The following FA2H variants were observed in gnomAD, a reference collection of about 807,000 sequenced individuals.
The protein encoded by FA2H is fatty acid 2-hydroxylase, also known as fatty acid alpha-hydroxylase.
A neutral mutation model predicts 44.9 loss-of-function variants in FA2H; 22 were observed. The observed-to-expected ratio is 0.49, with a 90% CI of 0.35 to 0.70. FA2H has a LOEUF of 0.70. Ranked by LOEUF, FA2H falls within the 30% of genes least tolerant of loss-of-function variation. The probability of loss-of-function intolerance (pLI) is 0.01; values close to 1 mark genes in which losing one functional copy is unlikely to be tolerated. For synonymous variants in FA2H, 243 were observed against 213.2 expected (o/e 1.14, Z -1.22); for missense variants, 501 against 504.9 (o/e 0.99, Z 0.07).
intron 2 of FA2H, among the ~76,000 whole-genome samples, chr16:74,727,929 T>A (rs972955836): frequency 2.0e-5 from 3 of 152,210 alleles, no homozygotes; most frequent in Admixed American, 2.0e-4. Context: ...TTCAGCAATT[T>A]ATTTTTTATA....
At chr16:74,768,582 G>A (rs909676465) in intron 1 of FA2H, among the ~76,000 whole-genome samples, 1 of 152,212 alleles carries the variant, frequency 6.6e-6, no homozygotes, top group African/African-American at 2.4e-5. Context: ...CTGCTCAGAA[G>A]GTGGCGGCAG....
At chr16:74,756,850 C>G (rs1962620716) in intron 1 of FA2H, among the ~76,000 whole-genome samples, 2 of 150,506 alleles carry the variant, frequency 1.3e-5, no homozygotes, top group South Asian at 4.3e-4. Flanking sequence ...ACACCCCATC[C>G]CTCCAAAAAA....
chr16:74,722,688 G>A (rs758617760), intron 4 of FA2H, among the ~76,000 whole-genome samples: 31 of 152,212 alleles, frequency 2.0e-4, no homozygotes, highest in Non-Finnish European at 2.2e-4. Context: ...TGAGGTGGGC[G>A]GATCAGCTGA....
chr16:74,736,785 C>A (rs1962190704), intron 2 of FA2H, among the ~76,000 whole-genome samples: 1 of 152,134 alleles, frequency 6.6e-6, no homozygotes, highest in Admixed American at 6.6e-5. Flanking sequence ...CACTCCCTCT[C>A]CTACTCACCG....
At chr16:74,773,113 C>T (rs1166826098) in intron 1 of FA2H, among the ~76,000 whole-genome samples, 2 of 152,076 alleles carry the variant, frequency 1.3e-5, no homozygotes, top group Non-Finnish European at 2.9e-5. Context: ...TGGGCTCGAG[C>T]GATCCTCTTA....
chr16:74,749,229 A>T (rs1962485765), intron 1 of FA2H, among the ~76,000 whole-genome samples: 2 of 152,184 alleles, frequency 1.3e-5, no homozygotes, highest in Non-Finnish European at 2.9e-5. Context: ...TCCATCTTTA[A>T]TAAGCTGCCC....
chr16:74,714,363 A>T lies in FA2H; in HGVS notation c.1040-94T>A, dbSNP rs951852526. On this transcript the variant is annotated intron_variant, in intron 6 of 6. Coordinates refer to ENST00000219368, the MANE Select transcript of FA2H (RefSeq NM_024306.5). The stretch of plus-strand genomic sequence containing the variant: ...GTGCCAGGGTAGGGATAAGAGGTGG[A>T]GACAATGTCAATATCTGTCCCCTTG... The T allele has an allele frequency of 3.2e-5, 26 of 806,548 alleles. No individual in the cohort carries two copies. The African/African-American group carries it at 4.1e-4, about 13-fold the overall frequency. The allele number at this position is 806,548 out of a possible 1,614,324, so 50.0% of individuals were successfully genotyped here.
At chr16:74,716,706 C>G (rs1245760114) in intron 5 of FA2H, 107 bp from the exon 6 acceptor site, 1 of 1,315,340 alleles carries the variant, frequency 7.6e-7, no homozygotes, top group Non-Finnish European at 1.0e-6. Context: ...CCCAGACATT[C>G]CACTGCGTAG....
intron 1 of FA2H, among the ~76,000 whole-genome samples, chr16:74,764,113 G>A (rs1217324214): frequency 1.3e-5 from 2 of 152,148 alleles, no homozygotes; most frequent in South Asian, 4.2e-4. Flanking sequence ...TGTTGTTGTG[G>A]CTGAGCTCTT....
intron 1 of FA2H, among the ~76,000 whole-genome samples, chr16:74,767,303 T>TA (rs376420647): frequency 1.3e-3 from 186 of 145,690 alleles, no homozygotes; most frequent in African/African-American, 2.8e-3. Flanking sequence ...GGGAGACTCA[T>TA]AAAAAAAAAA....
chr16:74,727,007 T>A (rs925396946), intron 3 of FA2H, among the ~76,000 whole-genome samples: 2 of 152,192 alleles, frequency 1.3e-5, no homozygotes, highest in Non-Finnish European at 2.9e-5. Flanking sequence ...GAGTCTGGAA[T>A]AGACCAGAGG....
intron 2 of FA2H, among the ~76,000 whole-genome samples, chr16:74,732,757 C>T (rs186285173): frequency 5.3e-5 from 8 of 152,224 alleles, no homozygotes; most frequent in East Asian, 1.9e-4. Flanking sequence ...AGGATTCATA[C>T]GTTGAATTCA....
chr16:74,763,016 C>T (rs1457574197), intron 1 of FA2H, among the ~76,000 whole-genome samples: 1 of 152,164 alleles, frequency 6.6e-6, no homozygotes, highest in Non-Finnish European at 1.5e-5. Flanking sequence ...CTGTCCTTTT[C>T]CCTGTTTGGG....
intron 2 of FA2H, among the ~76,000 whole-genome samples, chr16:74,737,857 G>A (rs986811949): frequency 4.3e-4 from 65 of 152,190 alleles, no homozygotes; most frequent in African/African-American, 1.4e-3. Context: ...CCCAGCCCCC[G>A]CTGCCTGGGT....
At chr16:74,716,321 G>A in intron 6 of FA2H, 26 bp downstream of exon 6, 5 of 1,611,788 alleles carry the variant, frequency 3.1e-6, no homozygotes, top group Non-Finnish European at 4.2e-6. Flanking sequence ...CACATAGGGG[G>A]CTGGGAAGCA....
intron 1 of FA2H, among the ~76,000 whole-genome samples, chr16:74,750,790 T>TGTGTGTGTGTGTGTGTGTGTGC (rs1555540831): frequency 7.9e-5 from 12 of 151,370 alleles, no homozygotes; most frequent in African/African-American, 2.9e-4. Context: ...TGTGTGTGTG[T>TGTGTGTGTGTGTGTGTGTGTGC]TTAAGAGACA....
chr16:74,757,910 T>C (rs1033570314), intron 1 of FA2H, among the ~76,000 whole-genome samples: 22 of 152,048 alleles, frequency 1.4e-4, no homozygotes, highest in Non-Finnish European at 3.1e-4. Context: ...TCCCAGCTAT[T>C]TGGGAGGCTA....
intron 1 of FA2H, among the ~76,000 whole-genome samples, chr16:74,767,041 T>TG (rs1962822358): frequency 6.6e-6 from 1 of 151,584 alleles, no homozygotes; most frequent in South Asian, 2.1e-4. Context: ...CCGGGCATGG[T>TG]GGCTCACGCC....
chr16:74,770,193 C>G (rs1404069775), intron 1 of FA2H, among the ~76,000 whole-genome samples: 3 of 152,224 alleles, frequency 2.0e-5, no homozygotes, highest in Non-Finnish European at 4.4e-5. Context: ...ACAGGGGGCT[C>G]TAACCACAAG....
Sources: allele counts gnomAD v4.1 joint callset (sites outside exome capture counted in the v4.1 genomes callset), GRCh38; gene constraint gnomAD v4.1.1; transcripts MANE v1.5; gene names NCBI Gene and HGNC (gene_info 2026-07-23, HGNC 2026-07-21).